Variants in SNTG2 observed in about 807,000 individuals in gnomAD.
The protein encoded by SNTG2 is syntrophin gamma 2, also known as gamma-2-syntrophin.
Under a neutral mutation model 70.9 loss-of-function variants are expected in SNTG2, and 74 were observed. That is an observed-to-expected ratio of 1.04 (90% CI 0.86 to 1.27). The LOEUF (loss-of-function observed/expected upper bound fraction) is 1.27. Ranked by LOEUF, SNTG2 falls within the 50% of genes most tolerant of loss-of-function variation. The probability of loss-of-function intolerance (pLI) is 0.00; values close to 1 mark genes in which losing one functional copy is unlikely to be tolerated. For missense variants in SNTG2, 717 were observed against 690.7 expected, an observed-to-expected ratio of 1.04 and a Z score of -0.43; for synonymous variants, 278 against 273.8, an observed-to-expected ratio of 1.02 and a Z score of -0.15.
intron 6 of SNTG2, among the ~76,000 whole-genome samples, chr2:1,164,416 T>G (rs796718257): frequency 7.7e-3 from 531 of 68,988 alleles, no homozygotes; most frequent in Middle Eastern, 0.012. Context: ...GGCCTAGGAG[T>G]ATGAAGTGAG....
chr2:1,077,386 ATGT>A (rs1663988144), intron 1 of SNTG2, among the ~76,000 whole-genome samples: 1 of 152,008 alleles, frequency 6.6e-6, no homozygotes, highest in Non-Finnish European at 1.5e-5. Context: ...AAAATTCTTA[ATGT>A]TGTAGTGACT....
At chr2:1,220,614 A>T (rs1050171068) in intron 9 of SNTG2, among the ~76,000 whole-genome samples, 3 of 152,228 alleles carry the variant, frequency 2.0e-5, no homozygotes, top group Non-Finnish European at 4.4e-5. Context: ...CGCCATCTTT[A>T]AATTTTCTGA....
At chr2:1,031,909 G>T (rs530996532) in intron 1 of SNTG2, among the ~76,000 whole-genome samples, 19 of 152,044 alleles carry the variant, frequency 1.2e-4, no homozygotes, top group Non-Finnish European at 2.2e-4. Flanking sequence ...ACTGCTAATG[G>T]GCACAGGGTT....
At chr2:1,023,412 A>G (rs1001833302) in intron 1 of SNTG2, among the ~76,000 whole-genome samples, 4 of 152,030 alleles carry the variant, frequency 2.6e-5, no homozygotes, top group African/African-American at 9.7e-5. Flanking sequence ...TGGTAAATCT[A>G]TTTTTATTTA....
At chr2:1,214,467 G>A (rs889421598) in intron 9 of SNTG2, among the ~76,000 whole-genome samples, 10 of 151,728 alleles carry the variant, frequency 6.6e-5, no homozygotes, top group East Asian at 1.9e-4. Context: ...CATCTCTTTC[G>A]TTAAATTTAC....
rs1017643278 is a variant in SNTG2 at position 1,136,919 on chromosome 2, G to C, written c.326-703G>C. On this transcript the variant is annotated intron_variant, in intron 4 of 16. Transcript: ENST00000308624. Reference sequence around the variant, plus strand: ...GCCGTCTCTGTACGTTTGCTTATGAGAATGAGGGGAAATGCTAAGTGGCTG... The same window carrying C: ...GCCGTCTCTGTACGTTTGCTTATGACAATGAGGGGAAATGCTAAGTGGCTG... Among the ~76,000 whole-genome samples, 55 of 152,300 alleles carry C rather than the reference G, an allele frequency of 3.6e-4. 1 individual carries two copies. Among genetic ancestry groups the C allele is most frequent in the African/African-American group, 1.3e-3 (53 of 41,554 alleles).
chr2:1,196,737 A>G (rs6738279), intron 8 of SNTG2, among the ~76,000 whole-genome samples: 49,226 of 151,908 alleles, frequency 0.32, 8,500 homozygotes, highest in East Asian at 0.65. Context: ...TCAAAGTACT[A>G]AAAGAAAAAA....
chr2:1,018,006 A>G (rs1301122223), intron 1 of SNTG2, among the ~76,000 whole-genome samples: 1 of 152,108 alleles, frequency 6.6e-6, no homozygotes, highest in Non-Finnish European at 1.5e-5. Context: ...CTTTTCCTCC[A>G]GGCCCTTTCA....
intron 1 of SNTG2, among the ~76,000 whole-genome samples, chr2:986,067 T>TAGAGAGAGAGAGAGAGAGAGAG (rs10633277): frequency 3.1e-5 from 4 of 129,802 alleles, no homozygotes; most frequent in African/African-American, 1.1e-4. Flanking sequence ...CTGCAAATAA[T>TAGAGAGAGAGAGAGAGAGAGAG]AGAGAGAGAG....
chr2:983,105 T>TTC (rs759917918), intron 1 of SNTG2, among the ~76,000 whole-genome samples: 11 of 149,942 alleles, frequency 7.3e-5, no homozygotes, highest in Non-Finnish European at 1.5e-4. Context: ...AGAGGCTCTC[T>TTC]TCTGTAGAAG....
At chr2:1,080,568 A>G (rs954456623) in intron 1 of SNTG2, among the ~76,000 whole-genome samples, 4 of 147,882 alleles carry the variant, frequency 2.7e-5, no homozygotes, top group African/African-American at 1.0e-4. Flanking sequence ...ATGTGTGTGC[A>G]TGAGTGTTTG....
intron 1 of SNTG2, among the ~76,000 whole-genome samples, chr2:951,726 G>A (rs1034613172): frequency 5.3e-5 from 8 of 152,196 alleles, no homozygotes; most frequent in African/African-American, 1.9e-4. Context: ...AAAACGAAAA[G>A]TTCTTGGAAA....
intron 14 of SNTG2, among the ~76,000 whole-genome samples, chr2:1,279,383 T>C (rs1032813352): frequency 3.3e-5 from 5 of 152,252 alleles, no homozygotes; most frequent in Admixed American, 6.5e-5. Flanking sequence ...AGTTAAACTT[T>C]ATTGCAGGTA....
Position 1,086,485 on chromosome 2 carries a change from A to T in SNTG2, c.210+2830A>T, listed in dbSNP as rs62107371. 8.9e-4 allele frequency among the ~76,000 whole-genome samples: 135 copies of T among 152,324 alleles called. 2 individuals carry two copies. Among genetic ancestry groups the T allele is most frequent in the South Asian group, 3.9e-3 (19 of 4,826 alleles). On this transcript the variant is annotated intron_variant, in intron 2 of 16. Coordinates refer to ENST00000308624, the MANE Select transcript of SNTG2 (RefSeq NM_018968.4). ...GGATCCCAACCCCACATCTGCCCTC[A>T]TGGGGGTTTGGTGCTGAGATTTATG...
At chr2:1,139,103 C>T (rs1668583353) in intron 6 of SNTG2, among the ~76,000 whole-genome samples, 1 of 152,210 alleles carries the variant, frequency 6.6e-6, no homozygotes, top group Admixed American at 6.5e-5. Flanking sequence ...GTGCTGTTAT[C>T]CTTTTGCTTA....
At chr2:1,325,795 C>T (rs1459093591) in intron 16 of SNTG2, among the ~76,000 whole-genome samples, 5 of 151,898 alleles carry the variant, frequency 3.3e-5, no homozygotes, top group Admixed American at 6.6e-5. Context: ...AGCAATTAAA[C>T]GTAGTCAGGA....
At chr2:1,281,373 G>C (rs112799615) in intron 14 of SNTG2, among the ~76,000 whole-genome samples, 1 of 54,870 alleles carries the variant, frequency 1.8e-5, no homozygotes, top group Non-Finnish European at 3.6e-5. Context: ...GGTGTTTATG[G>C]TGTATGTGGT....
chr2:1,139,243 G>A (rs1315132132), intron 6 of SNTG2, among the ~76,000 whole-genome samples: 1 of 152,016 alleles, frequency 6.6e-6, no homozygotes, highest in African/African-American at 2.4e-5. Flanking sequence ...GTTTCATTTT[G>A]TTTTTGAGAC....
chr2:1,068,938 A>G (rs1269910571), intron 1 of SNTG2, among the ~76,000 whole-genome samples: 2 of 152,252 alleles, frequency 1.3e-5, no homozygotes, highest in East Asian at 1.9e-4. Flanking sequence ...CTCATTGACT[A>G]GAAATGCCAG....
Sources: gnomAD v4.1 joint callset for allele counts (sites outside exome capture counted in the v4.1 genomes callset) on GRCh38, gnomAD v4.1.1 for gene constraint, MANE v1.5 for transcripts, NCBI Gene and HGNC (gene_info 2026-07-23, HGNC 2026-07-21) for gene names.